Variants in CCDC149 observed in about 807,000 individuals in gnomAD.
The protein encoded by CCDC149 is coiled-coil domain containing 149.
CCDC149 carries 45 observed loss-of-function variants against 59.9 expected under a neutral mutation model. The observed-to-expected ratio is 0.75, with a 90% CI of 0.59 to 0.96. The LOEUF is 0.96. Ranked by LOEUF, CCDC149 falls within the 40% of genes least tolerant of loss-of-function variation. The pLI, the probability that CCDC149 is intolerant of heterozygous loss-of-function variation, is 0.00. For synonymous variants in CCDC149, 245 were observed against 260.6 expected (o/e 0.94, Z 0.58); for missense variants, 584 against 664.7 (o/e 0.88, Z 1.33).
At chr4:24,926,206 G>GA (rs1722430687) in intron 1 of CCDC149, among the ~76,000 whole-genome samples, 1 of 151,862 alleles carries the variant, frequency 6.6e-6, no homozygotes, top group South Asian at 2.1e-4. Flanking sequence ...CGAAAAAAAA[G>GA]AAAAAAAGGA....
chr4:24,896,242 C>A (rs1720839590), intron 1 of CCDC149, among the ~76,000 whole-genome samples: 1 of 152,202 alleles, frequency 6.6e-6, no homozygotes, highest in Non-Finnish European at 1.5e-5. Flanking sequence ...TCAGTCTAAT[C>A]CACAAGCTTG....
chr4:24,933,891 T>C (rs145255864), intron 1 of CCDC149, among the ~76,000 whole-genome samples: 1 of 152,336 alleles, frequency 6.6e-6, no homozygotes, highest in East Asian at 1.9e-4. Flanking sequence ...CTGCTCCATG[T>C]GACACCAGTT....
At chr4:24,823,831 C>G (rs1715560187) in intron 9 of CCDC149, among the ~76,000 whole-genome samples, 1 of 152,180 alleles carries the variant, frequency 6.6e-6, no homozygotes, top group African/African-American at 2.4e-5. Flanking sequence ...CTTCTTTTCC[C>G]TAAGTCTTAA....
intron 12 of CCDC149, among the ~76,000 whole-genome samples, chr4:24,812,021 C>T (rs1333352754): frequency 6.6e-6 from 1 of 152,212 alleles, no homozygotes; most frequent in Non-Finnish European, 1.5e-5. Context: ...ATCTCTGCTG[C>T]CATGGTCACA....
chr4:24,944,094 T>C (rs1723033290), intron 1 of CCDC149, among the ~76,000 whole-genome samples: 1 of 152,186 alleles, frequency 6.6e-6, no homozygotes, highest in South Asian at 2.1e-4. Context: ...TAAAGACACA[T>C]GCACACGTAT....
chr4:24,975,633 G>A (rs147892436), intron 1 of CCDC149, among the ~76,000 whole-genome samples: 4 of 151,900 alleles, frequency 2.6e-5, no homozygotes, highest in Admixed American at 1.3e-4. Flanking sequence ...GGAGCTCATT[G>A]ATGGGGCTTG....
intron 1 of CCDC149, among the ~76,000 whole-genome samples, chr4:24,965,543 A>G (rs1303198384): frequency 6.6e-6 from 1 of 152,268 alleles, no homozygotes; most frequent in East Asian, 1.9e-4. Context: ...TGTAAATAAC[A>G]TGGATCAAAA....
chr4:24,946,772 C>T (rs976611197), intron 1 of CCDC149, among the ~76,000 whole-genome samples: 5 of 152,166 alleles, frequency 3.3e-5, no homozygotes, highest in Admixed American at 3.3e-4. Flanking sequence ...TTAAGGCCAG[C>T]TTTGTGATTA....
chr4:24,873,095 C>G (rs12498711), intron 3 of CCDC149, among the ~76,000 whole-genome samples: 26,445 of 151,652 alleles, frequency 0.17, 2,370 homozygotes, highest in Admixed American at 0.23. Flanking sequence ...GAATGGTATG[C>G]ACCCAACAAA....
chr4:24,931,895 C>G (rs751511679), intron 1 of CCDC149, among the ~76,000 whole-genome samples: 1 of 127,178 alleles, frequency 7.9e-6, no homozygotes, highest in Non-Finnish European at 1.6e-5. Flanking sequence ...AAATCACTTA[C>G]TATGTCAGAC....
intron 6 of CCDC149, 77 bp from the exon 7 acceptor site, chr4:24,836,585 AC>A (rs1396644670): frequency 2.4e-5 from 22 of 908,322 alleles, no homozygotes; most frequent in Non-Finnish European, 3.6e-5. Flanking sequence ...AGGGGAAAAA[AC>A]AAAAACCACT....
chr4:24,841,038 A>G (rs1164999515), intron 4 of CCDC149, among the ~76,000 whole-genome samples: 1 of 151,908 alleles, frequency 6.6e-6, no homozygotes, highest in Non-Finnish European at 1.5e-5. Flanking sequence ...ATATGCAAAA[A>G]CTCTATCACA....
intron 1 of CCDC149, among the ~76,000 whole-genome samples, chr4:24,885,141 G>A (rs373130286): frequency 2.8e-4 from 43 of 152,276 alleles, no homozygotes; most frequent in Admixed American, 2.0e-3. Context: ...AAAGACAGAC[G>A]GGTGGCCAGG....
intron 1 of CCDC149, among the ~76,000 whole-genome samples, chr4:24,975,985 GA>G (rs780382171): frequency 3.9e-5 from 5 of 129,814 alleles, no homozygotes. Context: ...GAGGGGACAG[GA>G]AAAAGAAGGA....
At chr4:24,905,406 CGTGCGTGCGTGTGTGTGTGT>C (rs1481198239) in intron 1 of CCDC149, among the ~76,000 whole-genome samples, 147 of 110,402 alleles carry the variant, frequency 1.3e-3, no homozygotes, top group African/African-American at 4.2e-3. Flanking sequence ...TTTCTTTTTG[CGTGCGTGCGTGTGTGTGTGT>C]GTGTGTGTGT....
intron 12 of CCDC149, among the ~76,000 whole-genome samples, chr4:24,810,877 T>C (rs1714556331): frequency 6.6e-6 from 1 of 152,200 alleles, no homozygotes; most frequent in South Asian, 2.1e-4. Flanking sequence ...GGTACAATCA[T>C]ACATTAATAA....
intron 3 of CCDC149, among the ~76,000 whole-genome samples, chr4:24,866,823 CCACACA>C (rs3066470): frequency 7.0e-6 from 1 of 142,180 alleles, no homozygotes; most frequent in African/African-American, 2.6e-5. Flanking sequence ...ACACACACAC[CCACACA>C]CACACACACA....
At position 24,808,261 on chromosome 4, in the gene CCDC149, G is replaced by A. The variant is rs906340224; in HGVS notation, c.*128C>T. 1.7e-5 allele frequency: 13 copies of A among 746,634 alleles called. No individual in the cohort carries two copies. The highest frequency in any genetic ancestry group is 3.5e-5 in the African/African-American group (2 of 56,822). 46.3% of individuals were successfully genotyped at this position (746,634 alleles called of 1,614,324 possible). ...ATATTCACAGTTTGCAACAGGATCA[G>A]TGCGTTTTCTCACTTGCAGACTCGG... On this transcript the variant is annotated 3_prime_UTR_variant, in exon 13 of 13. Transcript: ENST00000635206.
At chr4:24,894,847 A>G in intron 1 of CCDC149, 1 of 1,008,780 alleles carries the variant, frequency 9.9e-7, no homozygotes, top group Non-Finnish European at 1.4e-6. Flanking sequence ...AAAATCTCAA[A>G]GTCGCTGACA....
Sources: gnomAD v4.1 joint callset for allele counts (sites outside exome capture counted in the v4.1 genomes callset) on GRCh38, gnomAD v4.1.1 for gene constraint, MANE v1.5 for transcripts, NCBI Gene and HGNC (gene_info 2026-07-23, HGNC 2026-07-21) for gene names.